Variants in THSD7B observed in about 807,000 individuals in gnomAD.
THSD7B encodes the protein thrombospondin type 1 domain containing 7B, also known as thrombospondin type-1 domain-containing protein 7B.
Under a neutral mutation model 213.6 loss-of-function variants are expected in THSD7B, and 138 were observed. The observed-to-expected ratio is 0.65, with a 90% CI of 0.56 to 0.74. THSD7B has a LOEUF of 0.74. Ranked by LOEUF, THSD7B falls within the 30% of genes least tolerant of loss-of-function variation. The pLI is 0.00. For missense variants in THSD7B, 1,931 were observed against 1,991.5 expected, an observed-to-expected ratio of 0.97 and a Z score of 0.58; for synonymous variants, 742 against 687.0, an observed-to-expected ratio of 1.08 and a Z score of -1.25.
At chr2:137,497,242 CT>C (rs1679591137) in intron 15 of THSD7B, among the ~76,000 whole-genome samples, 1 of 151,764 alleles carries the variant, frequency 6.6e-6, no homozygotes. Flanking sequence ...CTAGATCTCA[CT>C]TTAATCCTCT....
At chr2:137,213,209 T>C (rs72844318) in intron 7 of THSD7B, among the ~76,000 whole-genome samples, 34,519 of 151,254 alleles carry the variant, frequency 0.23, 5,135 homozygotes, top group Non-Finnish European at 0.33. Flanking sequence ...AAATTTATAT[T>C]TCATTGTTAG....
intron 1 of THSD7B, among the ~76,000 whole-genome samples, chr2:136,842,087 G>T (rs541143771): frequency 6.6e-6 from 1 of 152,278 alleles, no homozygotes; most frequent in Admixed American, 6.5e-5. Context: ...TACGTCTGTG[G>T]AAGCATGAAT....
At chr2:137,294,583 C>CAAAAAAAAAAA (rs1210363889) in intron 12 of THSD7B, among the ~76,000 whole-genome samples, 20 of 73,212 alleles carry the variant, frequency 2.7e-4, no homozygotes, top group African/African-American at 9.4e-4. Flanking sequence ...AACTCCATCT[C>CAAAAAAAAAAA]AAAAAAAAAA....
intron 12 of THSD7B, among the ~76,000 whole-genome samples, chr2:137,276,941 A>T (rs1022524490): frequency 3.9e-5 from 6 of 152,074 alleles, no homozygotes; most frequent in African/African-American, 1.4e-4. Context: ...TGCTATGGGG[A>T]TCTACAGTGG....
chr2:136,849,970 C>T (rs1413129915), intron 1 of THSD7B, among the ~76,000 whole-genome samples: 3 of 152,050 alleles, frequency 2.0e-5, no homozygotes, highest in Non-Finnish European at 4.4e-5. Context: ...CTGTTCCCTT[C>T]CACCTCTGCT....
chr2:137,024,451 C>T (rs147283393), intron 2 of THSD7B, among the ~76,000 whole-genome samples: 4 of 152,188 alleles, frequency 2.6e-5, no homozygotes, highest in East Asian at 1.9e-4. Flanking sequence ...TATCATAATC[C>T]GCATTACCAA....
chr2:137,308,147 C>A (rs1573949471), intron 12 of THSD7B, among the ~76,000 whole-genome samples: 1 of 152,130 alleles, frequency 6.6e-6, no homozygotes, highest in East Asian at 1.9e-4. Flanking sequence ...CTCCTGCCCA[C>A]CCCTAGAACA....
At chr2:136,931,866 T>C (rs967343866) in intron 2 of THSD7B, among the ~76,000 whole-genome samples, 3 of 152,190 alleles carry the variant, frequency 2.0e-5, no homozygotes, top group Non-Finnish European at 2.9e-5. Context: ...TTTTAATAGA[T>C]GGAGAAAACA....
chr2:136,941,794 A>G (rs577932129), intron 2 of THSD7B, among the ~76,000 whole-genome samples: 9 of 151,972 alleles, frequency 5.9e-5, no homozygotes, highest in Admixed American at 2.6e-4. Flanking sequence ...CATTCTGTAG[A>G]TTGCCTGTTC....
At chr2:136,908,681 T>G (rs1684209159) in intron 2 of THSD7B, among the ~76,000 whole-genome samples, 1 of 152,212 alleles carries the variant, frequency 6.6e-6, no homozygotes, top group Non-Finnish European at 1.5e-5. Flanking sequence ...TGATTTTGAA[T>G]GAATGACATA....
intron 1 of THSD7B, among the ~76,000 whole-genome samples, chr2:136,870,383 A>G (rs1683412685): frequency 6.6e-6 from 1 of 152,256 alleles, no homozygotes; most frequent in Non-Finnish European, 1.5e-5. Context: ...CCATTGAGCA[A>G]ATCTTTGTTG....
At chr2:137,546,934 CT>C (rs1225442213) in intron 15 of THSD7B, among the ~76,000 whole-genome samples, 1 of 151,930 alleles carries the variant, frequency 6.6e-6, no homozygotes, top group Non-Finnish European at 1.5e-5. Flanking sequence ...TAAATGAACA[CT>C]TTTCTTCAGC....
intron 7 of THSD7B, among the ~76,000 whole-genome samples, chr2:137,221,834 C>T (rs1306891560): frequency 1.3e-5 from 2 of 152,208 alleles, no homozygotes; most frequent in African/African-American, 2.4e-5. Context: ...CTTACCCAAT[C>T]TAACTTAAAA....
Position 137,549,308 on chromosome 2 carries a change from CTCTTTTT to C in THSD7B, c.3139-13911_3139-13905del, listed in dbSNP as rs1274299489. ...GCAGACATGTCTTTTTTTTCAGATG[CTCTTTTT>C]TTTTTTTTTTTTTTTTTTTTGCAAC... On this transcript the variant is annotated intron_variant, in intron 15 of 27. Transcript: ENST00000409968. 8.4e-4 allele frequency among the ~76,000 whole-genome samples: 84 copies of C among 100,148 alleles called. 9 individuals carry two copies. The highest frequency in any genetic ancestry group is 2.6e-3 in the African/African-American group (62 of 23,562). The allele number at this position is 100,148 out of a possible 152,430, so 65.7% of individuals were successfully genotyped here.
chr2:137,331,784 C>T (rs866425645), intron 12 of THSD7B, among the ~76,000 whole-genome samples: 5 of 152,200 alleles, frequency 3.3e-5, no homozygotes, highest in Non-Finnish European at 5.9e-5. Flanking sequence ...GGTGAGAAAT[C>T]GAGCGCAGCG....
At chr2:136,958,157 G>T (rs1573733935) in intron 2 of THSD7B, among the ~76,000 whole-genome samples, 1 of 152,130 alleles carries the variant, frequency 6.6e-6, no homozygotes, top group East Asian at 1.9e-4. Context: ...AGATAGGAAG[G>T]ACTTTTTGAA....
chr2:137,261,622 C>G (rs1441407987), intron 10 of THSD7B, among the ~76,000 whole-genome samples: 5 of 152,108 alleles, frequency 3.3e-5, no homozygotes, highest in Admixed American at 1.3e-4. Context: ...ACCATGTTGA[C>G]ACTGCAGAAG....
At chr2:137,033,140 C>A (rs1410434693) in intron 2 of THSD7B, among the ~76,000 whole-genome samples, 4 of 26 alleles carry the variant, frequency 0.15, no homozygotes, top group Non-Finnish European at 0.25. Context: ...AACTCAGTGG[C>A]CCTAAAAATA....
At chr2:137,487,517 T>C (rs895695527) in intron 15 of THSD7B, among the ~76,000 whole-genome samples, 2 of 150,240 alleles carry the variant, frequency 1.3e-5, no homozygotes, top group Non-Finnish European at 3.0e-5. Context: ...ATTTAATGAA[T>C]CCAGGAGCTG....
Sources: gnomAD v4.1 joint callset for allele counts (sites outside exome capture counted in the v4.1 genomes callset) on GRCh38, gnomAD v4.1.1 for gene constraint, MANE v1.5 for transcripts, NCBI Gene and HGNC (gene_info 2026-07-23, HGNC 2026-07-21) for gene names.